Variants in MID1 observed in about 807,000 individuals in gnomAD.
The protein encoded by MID1 is midline 1.
MID1 carries 7 observed loss-of-function variants against 40.4 expected under a neutral mutation model. The observed-to-expected ratio is 0.17, with a 90% CI of 0.10 to 0.33. The LOEUF is 0.33. Ranked by LOEUF, MID1 falls within the 10% of genes least tolerant of loss-of-function variation. The probability of loss-of-function intolerance (pLI) is 1.00; values close to 1 mark genes in which losing one functional copy is unlikely to be tolerated. For synonymous variants in MID1, 229 were observed against 221.2 expected (o/e 1.04, Z -0.31); for missense variants, 367 against 558.5 (o/e 0.66, Z 3.46).
rs61344630 is a variant in MID1 at position 10,448,002 on chromosome X, C to T, written c.*1366G>A. The stretch of plus-strand genomic sequence containing the variant: ...CAATGCCAGAGTTCTGGGCCAAGAA[C>T]TGCTCAAGAAAGCCTTAATTCATGG... On this transcript the variant is annotated 3_prime_UTR_variant, in exon 10 of 10. Coordinates refer to ENST00000317552, the MANE Select transcript of MID1 (RefSeq NM_000381.4). 2.5e-4 allele frequency: 28 copies of T among 112,105 alleles called. No individual in the cohort carries two copies. The highest frequency in any genetic ancestry group is 8.4e-4 in the African/African-American group (26 of 30,869). The allele number at this position is 112,105 out of a possible 1,213,427, so 9.2% of individuals were successfully genotyped here.
chrX:10,513,326 T>C (rs1416211633), intron 3 of MID1, among the ~76,000 whole-genome samples: 1 of 111,808 alleles, frequency 8.9e-6, no homozygotes, highest in Non-Finnish European at 1.9e-5. Flanking sequence ...GGTGGATTGA[T>C]TGTTAGGATT....
At chrX:10,474,571 T>G in intron 6 of MID1, 52 bp downstream of exon 6, 1 of 1,165,438 alleles carries the variant, frequency 8.6e-7, no homozygotes, top group Non-Finnish European at 1.2e-6. Flanking sequence ...GGTGGCAAAG[T>G]GTTTATATCA....
chrX:10,585,553 T>C (rs1208298415), intron 1 of MID1, among the ~76,000 whole-genome samples: 1 of 112,008 alleles, frequency 8.9e-6, no homozygotes, highest in African/African-American at 3.2e-5. Context: ...TTATAAACTT[T>C]TCCTCAAACC....
intron 1 of MID1, among the ~76,000 whole-genome samples, chrX:10,659,018 TC>T (rs2147581463): frequency 8.9e-6 from 1 of 111,923 alleles, no homozygotes; most frequent in African/African-American, 3.2e-5. Context: ...TCACTCAGTA[TC>T]TACTCATCTC....
chrX:10,647,091 G>A (rs761105567), intron 1 of MID1, among the ~76,000 whole-genome samples: 1 of 111,371 alleles, frequency 9.0e-6, no homozygotes, highest in Non-Finnish European at 1.9e-5. Flanking sequence ...GTGAATTAGG[G>A]TATATATGGC....
At chrX:10,699,947 C>T (rs752310697) in intron 1 of MID1, among the ~76,000 whole-genome samples, 11 of 109,215 alleles carry the variant, frequency 1.0e-4, no homozygotes, top group African/African-American at 1.3e-4. Context: ...CTCAGCCACC[C>T]GAGTAGCTGG....
intron 1 of MID1, among the ~76,000 whole-genome samples, chrX:10,717,523 C>T (rs2043314319): frequency 9.0e-6 from 1 of 110,684 alleles, no homozygotes; most frequent in African/African-American, 3.3e-5. Flanking sequence ...GCACCCAATA[C>T]AGGAGCACCC....
chrX:10,688,546 C>T, intron 1 of MID1, among the ~76,000 whole-genome samples: 1 of 111,933 alleles, frequency 8.9e-6, no homozygotes, highest in Middle Eastern at 4.7e-3. Context: ...ATTTAGTGAA[C>T]AAAGAAATGT....
chrX:10,497,405 A>T (rs2147324561), intron 3 of MID1, among the ~76,000 whole-genome samples: 1 of 111,912 alleles, frequency 8.9e-6, no homozygotes, highest in African/African-American at 3.2e-5. Context: ...AGAATCCTCC[A>T]TCTCCATATC....
chrX:10,804,747 T>C (rs1487932152), intron 1 of MID1, among the ~76,000 whole-genome samples: 3 of 111,281 alleles, frequency 2.7e-5, no homozygotes, highest in Non-Finnish European at 3.8e-5. Context: ...TTTTTCCTCT[T>C]AGGTGAGACA....
chrX:10,681,025 CAATAATAATAATAATAAT>C (rs56941761), intron 1 of MID1, among the ~76,000 whole-genome samples: 181 of 82,583 alleles, frequency 2.2e-3, no homozygotes, highest in African/African-American at 5.5e-3. Flanking sequence ...GACCCTGTCT[CAATAATAATAATAATAAT>C]AATAATAATA....
chrX:10,523,472 C>G (rs1241981711), intron 2 of MID1, among the ~76,000 whole-genome samples: 2 of 111,878 alleles, frequency 1.8e-5, no homozygotes, highest in African/African-American at 6.5e-5. Flanking sequence ...TAGGTCACGA[C>G]CTAGGAAGAA....
At chrX:10,605,520 C>T (rs1788263139) in intron 1 of MID1, among the ~76,000 whole-genome samples, 1 of 111,849 alleles carries the variant, frequency 8.9e-6, no homozygotes, top group Non-Finnish European at 1.9e-5. Flanking sequence ...GTTAAAATTC[C>T]TCTTTGTAAT....
chrX:10,681,250 C>T (rs1230057701), intron 1 of MID1, among the ~76,000 whole-genome samples: 1 of 111,108 alleles, frequency 9.0e-6, no homozygotes, highest in African/African-American at 3.3e-5. Flanking sequence ...CTTTTATCTA[C>T]TGCTGCATAA....
intron 1 of MID1, among the ~76,000 whole-genome samples, chrX:10,826,160 A>G (rs2044214993): frequency 9.0e-6 from 1 of 110,655 alleles, no homozygotes; most frequent in Non-Finnish European, 1.9e-5. Flanking sequence ...CTACACCACT[A>G]TCCTTCTAGA....
intron 1 of MID1, among the ~76,000 whole-genome samples, chrX:10,663,092 C>A (rs1434869553): frequency 1.8e-5 from 2 of 111,129 alleles, no homozygotes; most frequent in East Asian, 5.6e-4. Flanking sequence ...GTATCATAAC[C>A]CCTTTCTCTT....
chrX:10,760,628 G>A (rs1362556067), intron 1 of MID1, among the ~76,000 whole-genome samples: 3 of 111,087 alleles, frequency 2.7e-5, no homozygotes, highest in Non-Finnish European at 5.7e-5. Context: ...TTTGAGACCA[G>A]CCTGGGCAAC....
intron 9 of MID1, among the ~76,000 whole-genome samples, chrX:10,450,306 T>A (rs1928252336): frequency 8.9e-6 from 1 of 112,844 alleles, no homozygotes; most frequent in Non-Finnish European, 1.9e-5. Context: ...ACACCATGTC[T>A]GTCATTTTCT....
At chrX:10,802,304 GA>G (rs1399566138) in intron 1 of MID1, among the ~76,000 whole-genome samples, 1 of 111,820 alleles carries the variant, frequency 8.9e-6, no homozygotes, top group Non-Finnish European at 1.9e-5. Flanking sequence ...CTAATATCCA[GA>G]ATCCATAAGG....
Sources: allele counts gnomAD v4.1 joint callset (sites outside exome capture counted in the v4.1 genomes callset), GRCh38; gene constraint gnomAD v4.1.1; transcripts MANE v1.5; gene names NCBI Gene and HGNC (gene_info 2026-07-23, HGNC 2026-07-21).